The following ROBO1 variants were observed in gnomAD, a reference collection of about 807,000 sequenced individuals.
ROBO1 encodes roundabout homolog 1.
Under a neutral mutation model 195.9 loss-of-function variants are expected in ROBO1, and 149 were observed. The ratio of observed to expected loss-of-function variants is 0.76; its 90% CI spans 0.67 to 0.87. The LOEUF is 0.87. Ranked by LOEUF, ROBO1 falls within the 40% of genes least tolerant of loss-of-function variation. ROBO1 has a pLI of 0.00. For missense variants in ROBO1, 1,933 were observed against 2,068.3 expected (o/e 0.93, Z 1.27); for synonymous variants, 816 against 733.2 (o/e 1.11, Z -1.82).
At chr3:79,524,251 A>T (rs1941338541) in intron 2 of ROBO1, among the ~76,000 whole-genome samples, 1 of 151,980 alleles carries the variant, frequency 6.6e-6, no homozygotes, top group African/African-American at 2.4e-5. Context: ...TAAAATTATA[A>T]TCATTAAATT....
At chr3:79,531,913 T>C (rs1036740844) in intron 2 of ROBO1, among the ~76,000 whole-genome samples, 3 of 152,158 alleles carry the variant, frequency 2.0e-5, no homozygotes, top group African/African-American at 4.8e-5. Context: ...AATTAGGAGA[T>C]AAATTGTAGA....
chr3:78,945,442 A>G (rs2107731144), intron 3 of ROBO1, among the ~76,000 whole-genome samples: 1 of 152,268 alleles, frequency 6.6e-6, no homozygotes, highest in East Asian at 1.9e-4. Flanking sequence ...ACTCTAACAG[A>G]CCTGCAGCTG....
At chr3:79,191,638 G>T (rs1346522766) in intron 2 of ROBO1, among the ~76,000 whole-genome samples, 1 of 151,274 alleles carries the variant, frequency 6.6e-6, no homozygotes, top group African/African-American at 2.4e-5. Context: ...ATTTCTCATG[G>T]AAATTAATGT....
chr3:78,851,381 G>A (rs1559923698), intron 4 of ROBO1, among the ~76,000 whole-genome samples: 1 of 152,122 alleles, frequency 6.6e-6, no homozygotes, highest in East Asian at 1.9e-4. Flanking sequence ...GTTTACGTAT[G>A]AATACTGTCA....
At chr3:79,765,052 A>C (rs761832108) in intron 1 of ROBO1, among the ~76,000 whole-genome samples, 2 of 152,198 alleles carry the variant, frequency 1.3e-5, no homozygotes, top group Non-Finnish European at 2.9e-5. Context: ...AGGGAAGCGA[A>C]GGGAAGTAAA....
chr3:79,650,274 T>C (rs1403640644), intron 1 of ROBO1, among the ~76,000 whole-genome samples: 2 of 151,742 alleles, frequency 1.3e-5, no homozygotes, highest in African/African-American at 2.4e-5. Context: ...TGTATAATCA[T>C]ATAGAATATA....
intron 2 of ROBO1, among the ~76,000 whole-genome samples, chr3:79,158,482 TC>T (rs1316791740): frequency 6.6e-6 from 1 of 151,646 alleles, no homozygotes; most frequent in East Asian, 1.9e-4. Flanking sequence ...CTTTAATACT[TC>T]TTTTTTTTAA....
intron 1 of ROBO1, among the ~76,000 whole-genome samples, chr3:79,743,525 A>T (rs1703739187): frequency 6.6e-6 from 1 of 152,124 alleles, no homozygotes; most frequent in Non-Finnish European, 1.5e-5. Context: ...CTGTACACTT[A>T]GACTACACTA....
intron 1 of ROBO1, among the ~76,000 whole-genome samples, chr3:79,665,003 T>G (rs1946435138): frequency 6.6e-6 from 1 of 152,016 alleles, no homozygotes; most frequent in Admixed American, 6.6e-5. Context: ...TTGATTTTCT[T>G]ACTGAAATAA....
chr3:78,911,623 T>G (rs1304679602), intron 4 of ROBO1, among the ~76,000 whole-genome samples: 1 of 152,072 alleles, frequency 6.6e-6, no homozygotes, highest in Non-Finnish European at 1.5e-5. Context: ...CATGCACTAG[T>G]AACCCGACCT....
intron 26 of ROBO1, among the ~76,000 whole-genome samples, chr3:78,620,711 C>CT (rs1704401507): frequency 6.6e-6 from 1 of 151,958 alleles, no homozygotes; most frequent in African/African-American, 2.4e-5. Context: ...TTTTGAGTTA[C>CT]TTTTTAAATG....
intron 1 of ROBO1, among the ~76,000 whole-genome samples, chr3:79,683,920 C>T (rs138054738): frequency 1.7e-4 from 26 of 152,072 alleles, no homozygotes; most frequent in African/African-American, 5.5e-4. Flanking sequence ...TTCCCGTACA[C>T]GTTTTTGAGT....
intron 28 of ROBO1, 76 bp downstream of exon 28, chr3:78,614,572 T>C: frequency 3.5e-6 from 5 of 1,442,654 alleles, no homozygotes; most frequent in Non-Finnish European, 4.7e-6. Context: ...CGTCAGTGAA[T>C]GCATTTGCTA....
intron 1 of ROBO1, among the ~76,000 whole-genome samples, chr3:79,682,297 A>T (rs1946972549): frequency 6.6e-6 from 1 of 151,994 alleles, no homozygotes; most frequent in Admixed American, 6.6e-5. Flanking sequence ...AATGTTAAAA[A>T]GCCTTTGAGA....
At chr3:78,769,995 C>T (rs758532057) in intron 4 of ROBO1, among the ~76,000 whole-genome samples, 3 of 152,132 alleles carry the variant, frequency 2.0e-5, no homozygotes, top group Non-Finnish European at 2.9e-5. Flanking sequence ...GCTTCTGTCT[C>T]ACAGCTCTTG....
chr3:79,043,942 C>T (rs1247356567), intron 3 of ROBO1, among the ~76,000 whole-genome samples: 1 of 152,040 alleles, frequency 6.6e-6, no homozygotes, highest in African/African-American at 2.4e-5. Context: ...AATTCACCTA[C>T]AAAACTTGCT....
At chr3:78,631,632 A>C (rs1031627177) in intron 24 of ROBO1, among the ~76,000 whole-genome samples, 1 of 152,202 alleles carries the variant, frequency 6.6e-6, no homozygotes, top group African/African-American at 2.4e-5. Flanking sequence ...TATTTTCTCG[A>C]GTGCCTTTCT....
At chr3:78,711,376 T>C (rs2081713947) in intron 8 of ROBO1, among the ~76,000 whole-genome samples, 4 of 29,010 alleles carry the variant, frequency 1.4e-4, no homozygotes, top group Non-Finnish European at 2.2e-4. Context: ...CCTTCCTTCC[T>C]TCCTTCCTTC....
intron 22 of ROBO1, among the ~76,000 whole-genome samples, chr3:78,636,447 G>A (rs754345517): frequency 6.6e-6 from 1 of 151,954 alleles, no homozygotes; most frequent in Non-Finnish European, 1.5e-5. Context: ...ATATCTTTAT[G>A]TGTCAACTTT....
Sources: allele counts gnomAD v4.1 joint callset (sites outside exome capture counted in the v4.1 genomes callset), GRCh38; gene constraint gnomAD v4.1.1; transcripts MANE v1.5; gene names NCBI Gene and HGNC (gene_info 2026-07-23, HGNC 2026-07-21).